The following CRYBG1 variants were observed in gnomAD, a reference collection of about 807,000 sequenced individuals.
CRYBG1 encodes beta/gamma crystallin domain-containing protein 1.
In CRYBG1, 139 loss-of-function variants were observed where a neutral mutation model predicts 189.2. That is an observed-to-expected ratio of 0.73 (90% CI 0.64 to 0.85). The LOEUF (loss-of-function observed/expected upper bound fraction) is 0.85, where lower values mean the gene tolerates loss of function less well. Ranked by LOEUF, CRYBG1 falls within the 40% of genes least tolerant of loss-of-function variation. CRYBG1 has a pLI of 0.00. For missense variants in CRYBG1, 2,611 were observed against 2,675.8 expected (o/e 0.98, Z 0.53); for synonymous variants, 1,023 against 1,017.1 (o/e 1.01, Z -0.11).
Position 106,512,462 on chromosome 6 carries a change from G to A in CRYBG1, c.1345G>A (p.Asp449Asn), listed in dbSNP as rs1397029860. The A allele has an allele frequency of 1.2e-6, 2 of 1,610,882 alleles. No homozygotes were observed. The highest frequency in any genetic ancestry group is 2.7e-5 in the African/African-American group (2 of 74,900). ...CGCTGCCAGGGACGACGCGGTGTTC[G>A]ACGACGAGGTGGCGCCAAACGCGGC... The part of the protein sequence containing the change: ...ESAARDDAVF[D>N]DEVAPNAASD... Residue 449 changes from aspartate (D) to asparagine (N), a missense_variant, in exon 3 of 22, where the codon GAC (aspartate) becomes AAC (asparagine). Transcript: ENST00000633556.
chr6:106,511,976 C>A lies in CRYBG1; in HGVS notation c.859C>A (p.Gln287Lys). Reference sequence around the variant, plus strand: ...CGCTTCACCAGGTGCTGGCCACGAACAGGAGGCTTTCCTGGGTGTGAGGGG... The same window carrying A: ...CGCTTCACCAGGTGCTGGCCACGAAAAGGAGGCTTTCCTGGGTGTGAGGGG... ...EDASPGAGHEQEAFLGVRGAP... is the reference protein window; with the variant it reads ...EDASPGAGHEKEAFLGVRGAP... Residue 287 changes from glutamine (Q) to lysine (K), a missense_variant, in exon 3 of 22, where the codon CAG becomes AAG. This residue lies in a region of CRYBG1 where 985 missense variants were observed against 924.4 expected (regional missense o/e 1.07). Coordinates refer to ENST00000633556, the MANE Select transcript of CRYBG1 (RefSeq NM_001371242.2). 1 of 1,529,904 alleles carries A rather than the reference C, an allele frequency of 6.5e-7. No individual in the cohort carries two copies. 94.8% of individuals were successfully genotyped at this position (1,529,904 alleles called of 1,614,324 possible).
rs541556509 is a variant in CRYBG1 at position 106,402,857 on chromosome 6, G to A, written c.173+41776G>A. Among the ~76,000 whole-genome samples, 6 of 152,174 alleles carry A rather than the reference G, an allele frequency of 3.9e-5. No homozygotes were observed. The East Asian group carries it at 1.2e-3, about 29-fold the overall frequency. On this transcript the variant is annotated intron_variant, in intron 1 of 21. Transcript: ENST00000633556. ...TGCAGGATGAGTGAGGGGAGGGTGGGGGAAGAATGCAGCCATGTGATGAGC... is the reference window on the plus strand; with the variant it reads ...TGCAGGATGAGTGAGGGGAGGGTGGAGGAAGAATGCAGCCATGTGATGAGC...
intron 6 of CRYBG1, 133 bp downstream of exon 6, chr6:106,525,519 A>G (rs1773719928): frequency 1.4e-6 from 1 of 719,326 alleles, no homozygotes; most frequent in Non-Finnish European, 2.5e-6. Context: ...ACTCGTGGTA[A>G]GATAAGGGAT....
rs559698936 is a variant in CRYBG1 at position 106,400,951 on chromosome 6, G to A, written c.173+39870G>A. On this transcript the variant is annotated intron_variant, in intron 1 of 21. Transcript: ENST00000633556. ...GTGACCAGAGCAATGAAAGTGCACGGGCTTTGGGGAGCCGTCTTTCTTGCC... is the reference window on the plus strand; with the variant it reads ...GTGACCAGAGCAATGAAAGTGCACGAGCTTTGGGGAGCCGTCTTTCTTGCC... Among the ~76,000 whole-genome samples, 7 of 152,304 alleles carry A rather than the reference G, an allele frequency of 4.6e-5. No homozygotes were observed. In the South Asian group the frequency reaches 1.5e-3, roughly 32 times the overall value.
Position 106,514,933 on chromosome 6 carries a change from T to A in CRYBG1, c.1922+1894T>A, listed in dbSNP as rs1562097784. On this transcript the variant is annotated intron_variant, in intron 3 of 21. Transcript: ENST00000633556. ...TGACTTAAAAATTAATAAGTATTTCTAGTCCTTTGACCCATTTCTTTGTGA... is the reference window on the plus strand; with the variant it reads ...TGACTTAAAAATTAATAAGTATTTCAAGTCCTTTGACCCATTTCTTTGTGA... Among the ~76,000 whole-genome samples, 24 of 152,392 alleles carry A rather than the reference T, an allele frequency of 1.6e-4. 1 individual carries two copies. The South Asian group carries it at 5.0e-3, about 32-fold the overall frequency.
At position 106,451,777 on chromosome 6, in the gene CRYBG1, A is replaced by G. The variant is rs1036200214; in HGVS notation, c.257A>G (p.His86Arg). 56 of 1,534,894 alleles carry G rather than the reference A, an allele frequency of 3.6e-5. No individual in the cohort carries two copies. Among genetic ancestry groups the G allele is most frequent in the Middle Eastern group, 1.7e-4 (1 of 6,004 alleles). The change falls in exon 2 of 22, where the codon CAC (histidine) becomes CGC (arginine). Residue 86 changes from histidine to arginine, a missense_variant. Coordinates refer to ENST00000633556, the MANE Select transcript of CRYBG1 (RefSeq NM_001371242.2). ...PLHCGESQFF[H>R]TTSEALGSLL... ...CACTGTGGGGAATCCCAGTTCTTCC[A>G]CACCACCAGTGAGGCGCTTGGTTCC...
intron 2 of CRYBG1, among the ~76,000 whole-genome samples, chr6:106,493,864 A>C (rs1772781865): frequency 6.6e-6 from 1 of 152,158 alleles, no homozygotes; most frequent in African/African-American, 2.4e-5. Flanking sequence ...CTTAATACCT[A>C]GGTGATGGGT....
chr6:106,553,488 C>A lies in CRYBG1; in HGVS notation c.5506C>A (p.His1836Asn). The A allele has an allele frequency of 6.2e-7, 1 of 1,613,480 alleles. No individual in the cohort carries two copies. Among genetic ancestry groups the A allele is most frequent in the South Asian group, 1.1e-5 (1 of 91,022 alleles). The part of the protein sequence containing the change: ...HLFSEPQFQG[H>N]SQSFEETTSQ... ...GTTTTCAGAACCACAGTTTCAAGGT[C>A]ACAGTCAAAGTTTTGAAGAAACAAC... is the stretch of plus-strand genomic sequence containing the variant. The change falls in exon 16 of 22, where the codon CAC (histidine) becomes AAC (asparagine). Residue 1836 changes from histidine (H) to asparagine (N), a missense_variant. His to Asn is a moderately conservative substitution (Grantham distance 68). Around this residue, in one of 3 missense-constraint regions of CRYBG1, gnomAD observed 1,622 missense variants for 1,735.0 expected, o/e 0.93. Coordinates refer to ENST00000633556, the MANE Select transcript of CRYBG1 (RefSeq NM_001371242.2).
chr6:106,464,223 A>G (rs981979338), intron 2 of CRYBG1, among the ~76,000 whole-genome samples: 2 of 152,166 alleles, frequency 1.3e-5, no homozygotes, highest in Admixed American at 1.3e-4. Context: ...GGCCAGGCGC[A>G]GTGGCTCACA....
At chr6:106,381,763 C>T (rs79295961) in intron 1 of CRYBG1, among the ~76,000 whole-genome samples, 3,943 of 152,284 alleles carry the variant, frequency 0.026, 166 homozygotes, top group African/African-American at 0.09. Context: ...ATCCTGCAGG[C>T]ACTGTTTCTC....
chr6:106,544,188 A>G (rs1389253848), intron 11 of CRYBG1, among the ~76,000 whole-genome samples: 3 of 152,218 alleles, frequency 2.0e-5, no homozygotes, highest in Non-Finnish European at 4.4e-5. Flanking sequence ...GATCTTGCAC[A>G]TTTCCCATAG....
chr6:106,478,460 G>T (rs1375836596), intron 2 of CRYBG1, among the ~76,000 whole-genome samples: 1 of 152,202 alleles, frequency 6.6e-6, no homozygotes, highest in Non-Finnish European at 1.5e-5. Flanking sequence ...GGTTTGGGTT[G>T]TTCCTCTTAC....
At chr6:106,414,063 C>T (rs1013049798) in intron 1 of CRYBG1, among the ~76,000 whole-genome samples, 3 of 152,362 alleles carry the variant, frequency 2.0e-5, no homozygotes, top group South Asian at 4.1e-4. Context: ...TTACTGACAT[C>T]TCTCAGCACA....
rs752489351 is a variant in CRYBG1 at position 106,511,833 on chromosome 6, A to T, written c.716A>T (p.Glu239Val). 6.6e-7 allele frequency: 1 copy of T among 1,516,174 alleles called. No homozygotes were observed. The highest frequency in any genetic ancestry group is 2.5e-5 in the East Asian group (1 of 40,566). The allele number at this position is 1,516,174 out of a possible 1,614,324, so 93.9% of individuals were successfully genotyped here. A position where few individuals can be genotyped will look rare whatever the true frequency, so the allele number is the denominator to read the frequency against. Residue 239 changes from glutamate to valine, a missense_variant, in exon 3 of 22, where the codon GAG (glutamate) becomes GTG (valine). By Grantham distance (121) the Glu-to-Val change is moderately radical (BLOSUM62 -2). This residue lies in a region of CRYBG1 where 985 missense variants were observed against 924.4 expected (regional missense o/e 1.07). Transcript: ENST00000633556. ...GATTCACCCCAATTAGAACCTCTGGAGGCAGAGGGAGAGCCTTTCCCAGAT... is the reference window on the plus strand; with the variant it reads ...GATTCACCCCAATTAGAACCTCTGGTGGCAGAGGGAGAGCCTTTCCCAGAT... ...ENDSPQLEPL[E>V]AEGEPFPDAT...
intron 6 of CRYBG1, among the ~76,000 whole-genome samples, chr6:106,526,388 A>G (rs2114549437): frequency 6.6e-6 from 1 of 152,320 alleles, no homozygotes; most frequent in Admixed American, 6.5e-5. Flanking sequence ...GCAATTTTTT[A>G]CACAAATTTT....
chr6:106,472,377 A>G (rs1310794948), intron 2 of CRYBG1, among the ~76,000 whole-genome samples: 1 of 152,198 alleles, frequency 6.6e-6, no homozygotes, highest in East Asian at 1.9e-4. Flanking sequence ...AAAACAACTG[A>G]GTTTTATAGA....
At chr6:106,478,038 T>C (rs571178023) in intron 2 of CRYBG1, among the ~76,000 whole-genome samples, 25 of 152,366 alleles carry the variant, frequency 1.6e-4, no homozygotes, top group African/African-American at 5.8e-4. Flanking sequence ...CAAATGTCAG[T>C]ACAAGTGCCA....
intron 1 of CRYBG1, among the ~76,000 whole-genome samples, chr6:106,373,835 T>C (rs1439466498): frequency 1.3e-5 from 2 of 152,252 alleles, no homozygotes; most frequent in African/African-American, 4.8e-5. Flanking sequence ...ATTTGCTACT[T>C]TGTCTTAAAC....
chr6:106,409,231 GACAA>G (rs1196977672), intron 1 of CRYBG1, among the ~76,000 whole-genome samples: 6 of 152,146 alleles, frequency 3.9e-5, no homozygotes, highest in African/African-American at 7.2e-5. Context: ...ACCAATAGTA[GACAA>G]ACAGAGAGCC....
Sources: allele counts gnomAD v4.1 joint callset (sites outside exome capture counted in the v4.1 genomes callset), GRCh38; gene constraint gnomAD v4.1.1; regional missense constraint gnomAD v4.1.1; transcripts MANE v1.5; gene names NCBI Gene and HGNC (gene_info 2026-07-23, HGNC 2026-07-21).